ZNF277: variants seen among roughly 807,000 people sequenced by gnomAD.
ZNF277 encodes zinc finger protein 277, also known as nuclear receptor-interacting factor 4.
In ZNF277, 55 loss-of-function variants were observed where a neutral mutation model predicts 60.7. That is an observed-to-expected ratio of 0.91 (90% confidence interval 0.73 to 1.13). The LOEUF (loss-of-function observed/expected upper bound fraction) is 1.13. ZNF277 is among the 50% of genes most tolerant of loss of function. The probability of loss-of-function intolerance (pLI) is 0.00; values close to 1 mark genes in which losing one functional copy is unlikely to be tolerated. For missense variants in ZNF277, 510 were observed against 523.0 expected (o/e 0.98, Z 0.24); for synonymous variants, 178 against 179.3 (o/e 0.99, Z 0.06).
chr7:112,283,137 A>G (rs1440994563), intron 1 of ZNF277, among the ~76,000 whole-genome samples: 1 of 152,238 alleles, frequency 6.6e-6, no homozygotes, highest in Non-Finnish European at 1.5e-5. Flanking sequence ...ATTACTCCAT[A>G]TGATCAATGC....
At chr7:112,218,958 T>C (rs1214574407) in intron 1 of ZNF277, among the ~76,000 whole-genome samples, 1 of 152,208 alleles carries the variant, frequency 6.6e-6, no homozygotes, top group African/African-American at 2.4e-5. Flanking sequence ...GGCACACTGA[T>C]TTCATTTTCT....
intron 1 of ZNF277, among the ~76,000 whole-genome samples, chr7:112,224,565 G>A (rs1224445716): frequency 6.6e-6 from 1 of 152,216 alleles, no homozygotes; most frequent in Non-Finnish European, 1.5e-5. Flanking sequence ...TCCTGCTGAA[G>A]GCAGGCCAGG....
chr7:112,257,600 T>C (rs963692769), intron 1 of ZNF277, among the ~76,000 whole-genome samples: 5 of 152,094 alleles, frequency 3.3e-5, no homozygotes, highest in African/African-American at 7.2e-5. Flanking sequence ...TACCTGTTGT[T>C]ATTAGACTTT....
intron 1 of ZNF277, among the ~76,000 whole-genome samples, chr7:112,230,068 T>C (rs1822282131): frequency 7.2e-6 from 1 of 139,104 alleles, no homozygotes; most frequent in African/African-American, 2.5e-5. Context: ...TTGGAGTTTC[T>C]CCTACATGAT....
chr7:112,223,280 C>A (rs1822082478), intron 1 of ZNF277, among the ~76,000 whole-genome samples: 1 of 152,138 alleles, frequency 6.6e-6, no homozygotes, highest in African/African-American at 2.4e-5. Context: ...CTGAGGGTTG[C>A]AAGCTGGCCC....
chr7:112,244,839 T>C (rs1315905022), intron 1 of ZNF277, among the ~76,000 whole-genome samples: 2 of 152,128 alleles, frequency 1.3e-5, no homozygotes, highest in Non-Finnish European at 2.9e-5. Flanking sequence ...CAAAATTTTT[T>C]ATAATTTAGT....
chr7:112,277,369 AC>A (rs1400286867), intron 1 of ZNF277, among the ~76,000 whole-genome samples: 1 of 152,170 alleles, frequency 6.6e-6, no homozygotes, highest in Admixed American at 6.5e-5. Context: ...GGCGTGAGCC[AC>A]CACGCCTGGC....
chr7:112,318,653 A>C (rs1466700400), intron 5 of ZNF277, among the ~76,000 whole-genome samples: 3 of 152,128 alleles, frequency 2.0e-5, no homozygotes, highest in South Asian at 4.1e-4. Flanking sequence ...AAGTGGGGGC[A>C]CTGGTGATTC....
At chr7:112,270,758 A>C (rs1418838079) in intron 1 of ZNF277, among the ~76,000 whole-genome samples, 1 of 152,110 alleles carries the variant, frequency 6.6e-6, no homozygotes, top group African/African-American at 2.4e-5. Context: ...ACCATTTTTT[A>C]ACTCTTACTC....
Position 112,318,195 on chromosome 7 carries a change from A to T in ZNF277, c.479A>T (p.Glu160Val). Residue 160 changes from glutamate to valine, a missense_variant, in exon 5 of 12, where the codon GAA becomes GTA. By Grantham distance (121) the Glu-to-Val change is moderately radical. Transcript: ENST00000361822. ...LQKQRLREILEQQQQERNDTN... is the reference protein window; with the variant it reads ...LQKQRLREILVQQQQERNDTN... ...TCTACTTTCCAGAGAGAAATTCTGGAACAACAGCAGCAAGAACGAAATGAT... is the reference window on the plus strand; with the variant it reads ...TCTACTTTCCAGAGAGAAATTCTGGTACAACAGCAGCAAGAACGAAATGAT... The T allele has an allele frequency of 6.2e-7, 1 of 1,612,824 alleles. No individual in the cohort carries two copies. The highest frequency in any genetic ancestry group is 1.1e-5 in the South Asian group (1 of 91,032).
At position 112,296,296 on chromosome 7, in the gene ZNF277, T is replaced by C; in HGVS notation, c.450T>C (p.Leu150=). 6.3e-7 allele frequency: 1 copy of C among 1,580,564 alleles called. No individual in the cohort carries two copies. Among genetic ancestry groups the C allele is most frequent in the Non-Finnish European group, 8.6e-7 (1 of 1,160,940 alleles). The stretch of plus-strand genomic sequence containing the variant: ...AAGATAGAATTCTTAGAGAAGAGCT[T>C]CAGAAACAGAGACTGGTAAGAATTG... ...LPEDRILREE[L]QKQRLREILE... is the part of the protein sequence containing the mutation. Residue 150 remains leucine (L), a synonymous_variant, in exon 4 of 12, where the codon CTT becomes CTC. Coordinates refer to ENST00000361822, the MANE Select transcript of ZNF277 (RefSeq NM_021994.3).
intron 1 of ZNF277, among the ~76,000 whole-genome samples, chr7:112,241,944 G>A (rs1264266653): frequency 6.6e-6 from 1 of 151,978 alleles, no homozygotes; most frequent in Non-Finnish European, 1.5e-5. Context: ...TAATAGCACA[G>A]CAGGTTGACT....
intron 1 of ZNF277, among the ~76,000 whole-genome samples, chr7:112,214,092 A>G (rs1384176763): frequency 6.6e-6 from 1 of 152,218 alleles, no homozygotes; most frequent in Non-Finnish European, 1.5e-5. Flanking sequence ...TGGGTCAGAT[A>G]CCGAATTACA....
At chr7:112,328,645 C>T (rs1280378282) in intron 6 of ZNF277, among the ~76,000 whole-genome samples, 1 of 152,008 alleles carries the variant, frequency 6.6e-6, no homozygotes, top group Non-Finnish European at 1.5e-5. Context: ...CCGAGGTGGG[C>T]GGATCACCTG....
intron 10 of ZNF277, 146 bp from the exon 11 acceptor site, chr7:112,340,726 T>C: frequency 1.6e-6 from 1 of 633,898 alleles, no homozygotes. Flanking sequence ...TGTGCTGTTA[T>C]TATTTGGTAT....
intron 1 of ZNF277, among the ~76,000 whole-genome samples, chr7:112,264,134 A>G (rs879660656): frequency 1.3e-5 from 2 of 152,046 alleles, no homozygotes; most frequent in Non-Finnish European, 2.9e-5. Context: ...TCTAAGCAAA[A>G]GTGTAGGCCA....
chr7:112,312,963 A>T (rs983343065), intron 4 of ZNF277, among the ~76,000 whole-genome samples: 3 of 152,146 alleles, frequency 2.0e-5, no homozygotes, highest in Non-Finnish European at 4.4e-5. Context: ...TTTTATGTAT[A>T]AGTGAAAAAT....
intron 9 of ZNF277, 104 bp from the exon 10 acceptor site, chr7:112,339,739 T>C (rs1793406795): frequency 8.7e-7 from 1 of 1,156,040 alleles, no homozygotes; most frequent in Non-Finnish European, 1.3e-6. Flanking sequence ...GAACTCAGAC[T>C]GAGTTTCTAA....
intron 1 of ZNF277, among the ~76,000 whole-genome samples, chr7:112,281,954 T>C (rs1277703868): frequency 7.9e-5 from 12 of 152,206 alleles, no homozygotes; most frequent in Admixed American, 7.9e-4. Flanking sequence ...TGCCTCAGTC[T>C]CCCGAGTAGC....
Sources: allele counts gnomAD v4.1 joint callset (sites outside exome capture counted in the v4.1 genomes callset), GRCh38; gene constraint gnomAD v4.1.1; transcripts MANE v1.5; gene names NCBI Gene and HGNC (gene_info 2026-07-23, HGNC 2026-07-21).